The following GLT1D1 variants were observed in gnomAD, a reference collection of about 807,000 sequenced individuals.
The protein encoded by GLT1D1 is glycosyltransferase 1 domain containing 1.
In GLT1D1, 21 loss-of-function variants were observed where a neutral mutation model predicts 28.7. The ratio of observed to expected loss-of-function variants is 0.73; its 90% CI spans 0.52 to 1.05. GLT1D1 has a LOEUF of 1.05. Ranked by LOEUF, GLT1D1 falls within the 50% of genes least tolerant of loss-of-function variation. The probability of loss-of-function intolerance (pLI) is 0.00; values close to 1 mark genes in which losing one functional copy is unlikely to be tolerated. For synonymous variants in GLT1D1, 147 were observed against 124.8 expected (o/e 1.18, Z -1.19); for missense variants, 343 against 330.6 (o/e 1.04, Z -0.29).
At chr12:128,901,026 G>A (rs1020165898) in intron 4 of GLT1D1, among the ~76,000 whole-genome samples, 1 of 152,152 alleles carries the variant, frequency 6.6e-6, no homozygotes, top group Non-Finnish European at 1.5e-5. Context: ...GATTCCCTGG[G>A]ACTCTTTCAG....
At chr12:128,969,221 C>A (rs2459461) in intron 7 of GLT1D1, among the ~76,000 whole-genome samples, 1 of 150,646 alleles carries the variant, frequency 6.6e-6, no homozygotes, top group Non-Finnish European at 1.5e-5. Context: ...CTGTTTCTCT[C>A]ATTGTCTCTT....
chr12:128,924,116 G>A (rs929562037), intron 4 of GLT1D1, among the ~76,000 whole-genome samples: 5 of 151,998 alleles, frequency 3.3e-5, no homozygotes, highest in South Asian at 2.1e-4. Context: ...TCATGCAGCC[G>A]GGAGTCTCCA....
intron 4 of GLT1D1, among the ~76,000 whole-genome samples, chr12:128,903,874 G>T (rs1183791672): frequency 1.3e-5 from 2 of 151,656 alleles, no homozygotes; most frequent in Non-Finnish European, 2.9e-5. Context: ...GGGATTACAG[G>T]CTCCCGCCAT....
intron 3 of GLT1D1, among the ~76,000 whole-genome samples, chr12:128,889,384 G>T (rs1405197617): frequency 2.0e-5 from 3 of 152,150 alleles, no homozygotes; most frequent in Non-Finnish European, 4.4e-5. Context: ...GACCTGAGAG[G>T]TAGCTGCTGT....
At chr12:128,910,272 T>C (rs1210728631) in intron 4 of GLT1D1, among the ~76,000 whole-genome samples, 1 of 150,906 alleles carries the variant, frequency 6.6e-6, no homozygotes, top group Non-Finnish European at 1.5e-5. Flanking sequence ...CTCTTTTTTT[T>C]TTTTTTTTTT....
rs114386508 is a variant in GLT1D1 at position 128,906,426 on chromosome 12, C to T, written c.375+7139C>T. ...CAAATTAAATGTGTATCTTAATGGA[C>T]GCTTCTACCAGGAGAAGCAATGGTT... On this transcript the variant is annotated intron_variant, in intron 4 of 7. Transcript: ENST00000281703. Among the ~76,000 whole-genome samples, 871 of 152,292 alleles carry T rather than the reference C, an allele frequency of 5.7e-3. 8 individuals are homozygous for T. The highest frequency in any genetic ancestry group is 0.019 in the African/African-American group (789 of 41,552).
intron 1 of GLT1D1, among the ~76,000 whole-genome samples, chr12:128,874,442 A>G (rs1956824355): frequency 6.7e-6 from 1 of 148,176 alleles, no homozygotes; most frequent in African/African-American, 2.5e-5. Context: ...TCAGCCTCCC[A>G]GAGTGCTGGG....
At chr12:128,981,182 C>G (rs1880285742) in intron 7 of GLT1D1, among the ~76,000 whole-genome samples, 1 of 152,226 alleles carries the variant, frequency 6.6e-6, no homozygotes, top group African/African-American at 2.4e-5. Context: ...TAACCCCCCT[C>G]TCTCTTGCTT....
chr12:128,928,016 A>AAAAAAAC (rs1873445070), intron 4 of GLT1D1, among the ~76,000 whole-genome samples: 1 of 149,754 alleles, frequency 6.7e-6, no homozygotes, highest in Admixed American at 6.6e-5. Context: ...AAAAAAAAAA[A>AAAAAAAC]AAAAAAAAAC....
At chr12:128,902,189 G>A (rs2135859857) in intron 4 of GLT1D1, among the ~76,000 whole-genome samples, 1 of 151,286 alleles carries the variant, frequency 6.6e-6, no homozygotes, top group South Asian at 2.1e-4. Context: ...ATATAACTGA[G>A]TATGAAAAGT....
intron 4 of GLT1D1, among the ~76,000 whole-genome samples, chr12:128,940,884 C>G (rs1875146191): frequency 1.3e-5 from 2 of 152,180 alleles, no homozygotes; most frequent in Non-Finnish European, 2.9e-5. Context: ...GTGCAACCAT[C>G]ACACCTATCT....
chr12:128,953,104 G>A (rs1021885367), intron 6 of GLT1D1, among the ~76,000 whole-genome samples: 13 of 152,042 alleles, frequency 8.6e-5, no homozygotes, highest in African/African-American at 3.1e-4. Context: ...CTTTTCACGT[G>A]CTTATCGCCC....
chr12:128,920,313 G>A lies in GLT1D1; in HGVS notation c.375+21026G>A, dbSNP rs543377717. 1.1e-3 allele frequency among the ~76,000 whole-genome samples: 169 copies of A among 152,310 alleles called. 1 individual carries two copies. Among genetic ancestry groups the A allele is most frequent in the African/African-American group, 3.9e-3 (164 of 41,572 alleles). On this transcript the variant is annotated intron_variant, in intron 4 of 7. Transcript: ENST00000281703. Reference sequence around the variant, plus strand: ...TGTAATCCCAGCACTTCGGGAGGCCGGAGGCCGAGGCAGCGGATCACTTGA... The same window carrying A: ...TGTAATCCCAGCACTTCGGGAGGCCAGAGGCCGAGGCAGCGGATCACTTGA...
At chr12:128,926,542 TTCTTTCC>T (rs1189055907) in intron 4 of GLT1D1, 88 bp downstream of exon 7, 8 of 680,918 alleles carry the variant, frequency 1.2e-5, no homozygotes. Context: ...GCCCTGAGTT[TTCTTTCC>T]TCATTCTTTG....
intron 4 of GLT1D1, among the ~76,000 whole-genome samples, chr12:128,938,917 G>T (rs1483101498): frequency 6.6e-6 from 1 of 152,124 alleles, no homozygotes; most frequent in Admixed American, 6.5e-5. Context: ...TTGTTTTGTT[G>T]AAGACTTTGC....
At chr12:128,953,102 G>A (rs1011485721) in intron 6 of GLT1D1, among the ~76,000 whole-genome samples, 4 of 151,908 alleles carry the variant, frequency 2.6e-5, no homozygotes, top group Non-Finnish European at 4.4e-5. Flanking sequence ...ATCTTTTCAC[G>A]TGCTTATCGC....
rs1034257221 is a variant in GLT1D1, at chr12:128,853,598, TG to T, written c.19del (p.Ala7ArgfsTer20). 1.7e-6 allele frequency: 2 copies of T among 1,167,338 alleles called. No homozygotes were observed. The highest frequency in any genetic ancestry group is 2.1e-6 in the Non-Finnish European group (2 of 935,744). 72.3% of individuals were successfully genotyped at this position (1,167,338 alleles called of 1,614,324 possible). On this transcript the variant is annotated frameshift_variant, in exon 1 of 8. Coordinates refer to ENST00000281703, the MANE Select transcript of GLT1D1 (RefSeq NM_144669.3). LOFTEE classifies it high-confidence loss of function. The stretch of plus-strand genomic sequence containing the variant: ...GGCGGCGGCATGCGGCTCCTGTTCC[TG>T]GCGGTGCTGCGGCCACACACCGGCA...
chr12:128,906,873 A>G (rs1303171816), intron 4 of GLT1D1: 1 of 702,254 alleles, frequency 1.4e-6, no homozygotes, highest in East Asian at 2.7e-5. Context: ...GTGTACATTT[A>G]CTCATCAAAA....
chr12:128,900,236 G>A (rs548789395), intron 4 of GLT1D1, among the ~76,000 whole-genome samples: 2 of 152,344 alleles, frequency 1.3e-5, no homozygotes, highest in Admixed American at 6.5e-5. Flanking sequence ...CTCCACCAGC[G>A]TTCATCCGCT....
Sources: allele counts gnomAD v4.1 joint callset (sites outside exome capture counted in the v4.1 genomes callset), GRCh38; gene constraint gnomAD v4.1.1; transcripts MANE v1.5; gene names NCBI Gene and HGNC (gene_info 2026-07-23, HGNC 2026-07-21).